Variants in ATP6V1C2 observed in about 807,000 individuals in gnomAD.
ATP6V1C2 encodes V-type proton ATPase subunit C 2.
In ATP6V1C2, 45 loss-of-function variants were observed where a neutral mutation model predicts 56.8. The ratio of observed to expected loss-of-function variants is 0.79; its 90% CI spans 0.62 to 1.02. The LOEUF (loss-of-function observed/expected upper bound fraction) is 1.02, where lower values mean the gene tolerates loss of function less well. Ranked by LOEUF, ATP6V1C2 falls within the 50% of genes least tolerant of loss-of-function variation. The pLI is 0.00. For synonymous variants in ATP6V1C2, 220 were observed against 201.3 expected, an observed-to-expected ratio of 1.09 and a Z score of -0.79; for missense variants, 463 against 519.7, an observed-to-expected ratio of 0.89 and a Z score of 1.06.
intron 10 of ATP6V1C2, among the ~76,000 whole-genome samples, chr2:10,776,744 C>T (rs1665016801): frequency 6.6e-6 from 1 of 152,172 alleles, no homozygotes. Flanking sequence ...CCCACCTGGG[C>T]ACTGGCCCAG....
At chr2:10,725,582 C>T (rs1347116009) in intron 2 of ATP6V1C2, among the ~76,000 whole-genome samples, 1 of 148,362 alleles carries the variant, frequency 6.7e-6, no homozygotes, top group African/African-American at 2.5e-5. Flanking sequence ...GCAACCTCCA[C>T]CTCCGAGGTT....
At chr2:10,723,396 T>G (rs1661464307) in intron 2 of ATP6V1C2, among the ~76,000 whole-genome samples, 1 of 152,086 alleles carries the variant, frequency 6.6e-6, no homozygotes, top group East Asian at 1.9e-4. Flanking sequence ...ATTGTACTCT[T>G]GACCTGGGGG....
At chr2:10,731,168 C>T (rs985103185) in intron 3 of ATP6V1C2, among the ~76,000 whole-genome samples, 3 of 152,066 alleles carry the variant, frequency 2.0e-5, no homozygotes, top group Non-Finnish European at 4.4e-5. Context: ...AGGCTGGTCT[C>T]GAACTCCTGG....
intron 10 of ATP6V1C2, 142 bp from the exon 11 acceptor site, chr2:10,777,443 C>A: frequency 9.5e-7 from 1 of 1,052,512 alleles, no homozygotes; most frequent in Non-Finnish European, 1.4e-6. Flanking sequence ...TACCACATCT[C>A]TAGTCTAGCC....
rs984664093 is a variant in ATP6V1C2 at position 10,784,415 on chromosome 2, G to C, written c.*1152G>C. 7.2e-6 allele frequency: 7 copies of C among 970,420 alleles called. No homozygotes were observed. The highest frequency in any genetic ancestry group is 3.2e-5 in the African/African-American group (2 of 61,922). The allele number at this position is 970,420 out of a possible 1,614,324, so 60.1% of individuals were successfully genotyped here. Reference sequence around the variant, plus strand: ...TCATTTTATGGAAGAGCGACTCTCTGGAGCTACTCCTGCTACAATCCAGGT... The same window carrying C: ...TCATTTTATGGAAGAGCGACTCTCTCGAGCTACTCCTGCTACAATCCAGGT... On this transcript the variant is annotated 3_prime_UTR_variant, in exon 14 of 14. Coordinates refer to ENST00000272238, the MANE Select transcript of ATP6V1C2 (RefSeq NM_001039362.2).
intron 3 of ATP6V1C2, among the ~76,000 whole-genome samples, chr2:10,731,661 G>GGTCTTAAGCCAA (rs1383052813): frequency 6.6e-6 from 1 of 152,190 alleles, no homozygotes; most frequent in Non-Finnish European, 1.5e-5. Flanking sequence ...CTGGTCTCGT[G>GGTCTTAAGCCAA]CAGGAAGGTT....
At chr2:10,741,795 C>A (rs911346250) in intron 3 of ATP6V1C2, among the ~76,000 whole-genome samples, 3 of 151,990 alleles carry the variant, frequency 2.0e-5, no homozygotes, top group Admixed American at 6.6e-5. Flanking sequence ...TTTCTGGGGG[C>A]AAAGAGAAGC....
chr2:10,776,431 A>AC (rs1224621899), intron 10 of ATP6V1C2, among the ~76,000 whole-genome samples: 2 of 151,856 alleles, frequency 1.3e-5, no homozygotes, highest in Admixed American at 6.5e-5. Flanking sequence ...GGAGCTGGGG[A>AC]CCCCCAGCCC....
chr2:10,726,669 T>A, intron 3 of ATP6V1C2, 100 bp downstream of exon 3: 1 of 1,116,870 alleles, frequency 9.0e-7, no homozygotes, highest in Non-Finnish European at 1.4e-6. Context: ...TGGACTTGTC[T>A]AGACCTGGTT....
At chr2:10,727,899 G>A (rs62128973) in intron 3 of ATP6V1C2, among the ~76,000 whole-genome samples, 14,735 of 152,024 alleles carry the variant, frequency 0.097, 1,466 homozygotes, top group East Asian at 0.41. Flanking sequence ...GCAAGACTCC[G>A]TCTCAAAAAG....
chr2:10,760,407 C>T (rs145455641), intron 4 of ATP6V1C2, among the ~76,000 whole-genome samples: 74 of 152,070 alleles, frequency 4.9e-4, no homozygotes, highest in African/African-American at 1.7e-3. Context: ...TGGCAGAGGG[C>T]CGTCCTCAGA....
intron 12 of ATP6V1C2, among the ~76,000 whole-genome samples, chr2:10,781,578 TG>T (rs1665360330): frequency 6.6e-6 from 1 of 151,964 alleles, no homozygotes; most frequent in Non-Finnish European, 1.5e-5. Context: ...ACTAGGTGAG[TG>T]GAAGGGCGTG....
chr2:10,769,109 C>G (rs1049172586), intron 6 of ATP6V1C2, among the ~76,000 whole-genome samples: 3 of 152,384 alleles, frequency 2.0e-5, no homozygotes, highest in South Asian at 2.1e-4. Context: ...GCCCCCAGTC[C>G]TCCCCTGTGG....
intron 10 of ATP6V1C2, among the ~76,000 whole-genome samples, chr2:10,776,772 G>A (rs2148511190): frequency 6.6e-6 from 1 of 152,336 alleles, no homozygotes; most frequent in South Asian, 2.1e-4. Flanking sequence ...AGACCCCCGG[G>A]GAACAGGGTG....
intron 2 of ATP6V1C2, among the ~76,000 whole-genome samples, chr2:10,724,922 TACAGGTGTGAGCC>T (rs1457840485): frequency 6.6e-6 from 1 of 152,046 alleles, no homozygotes; most frequent in Non-Finnish European, 1.5e-5. Flanking sequence ...GTGTTGAGAT[TACAGGTGTGAGCC>T]ACTGTGCCCA....
Position 10,764,398 on chromosome 2 carries a change from C to T in ATP6V1C2, c.351C>T (p.Leu117=), listed in dbSNP as rs143556651. The change falls in exon 5 of 14, where the codon CTC becomes CTT. Residue 117 remains leucine (L), a synonymous_variant. Transcript: ENST00000272238. ...DMAKYPVKQP[L]VSVVDTIAKQ... ...CCAAATATCCTGTCAAGCAGCCGCT[C>T]GTGAGTGTGGTGGACACAATAGCCA... 2.3e-3 allele frequency: 3,713 copies of T among 1,614,060 alleles called. 13 individuals are homozygous for T. The highest frequency in any genetic ancestry group is 0.016 in the Middle Eastern group (97 of 6,060).
At chr2:10,771,169 A>G (rs531624028) in intron 6 of ATP6V1C2, among the ~76,000 whole-genome samples, 1 of 152,212 alleles carries the variant, frequency 6.6e-6, no homozygotes, top group Non-Finnish European at 1.5e-5. Context: ...AGCTTTGGCC[A>G]TGGCTCAACG....
At chr2:10,750,029 A>G (rs192143188) in intron 3 of ATP6V1C2, among the ~76,000 whole-genome samples, 1 of 152,336 alleles carries the variant, frequency 6.6e-6, no homozygotes, top group Admixed American at 6.5e-5. Context: ...TTCCCTTTCA[A>G]TGAGAAAAAT....
At position 10,741,892 on chromosome 2, in the gene ATP6V1C2, CTCCTTCCTTCCT is replaced by C. The variant is rs56236466; in HGVS notation, c.198-12061_198-12050del. On this transcript the variant is annotated intron_variant, in intron 3 of 13. Transcript: ENST00000272238. The stretch of plus-strand genomic sequence containing the variant: ...GGTTCCTCCCTCCCTCCCTCCTTCC[CTCCTTCCTTCCT>C]TCCTTCCTTCCTTCCTTCCTTCCTT... Among the ~76,000 whole-genome samples, 184 of 144,130 alleles carry C rather than the reference CTCCTTCCTTCCT, an allele frequency of 1.3e-3. 4 individuals are homozygous for C. The South Asian group carries it at 0.026, about 20-fold the overall frequency. 94.6% of individuals were successfully genotyped at this position (144,130 alleles called of 152,430 possible). A position where few individuals can be genotyped will look rare whatever the true frequency, so the allele number is the denominator to read the frequency against.
Sources: allele counts gnomAD v4.1 joint callset (sites outside exome capture counted in the v4.1 genomes callset), GRCh38; gene constraint gnomAD v4.1.1; transcripts MANE v1.5; gene names NCBI Gene and HGNC (gene_info 2026-07-23, HGNC 2026-07-21).